Variants in DOCK9 observed in about 807,000 individuals in gnomAD.
DOCK9 encodes dedicator of cytokinesis protein 9.
Under a neutral mutation model 263.3 loss-of-function variants are expected in DOCK9, and 89 were observed. The ratio of observed to expected loss-of-function variants is 0.34; its 90% confidence interval spans 0.28 to 0.40. The LOEUF (loss-of-function observed/expected upper bound fraction) is 0.40, where lower values mean the gene tolerates loss of function less well. DOCK9 is among the 10% of genes least tolerant of loss of function. DOCK9 has a pLI of 1.00. For synonymous variants in DOCK9, 976 were observed against 973.1 expected (o/e 1.00, Z -0.06); for missense variants, 2,140 against 2,603.4 (o/e 0.82, Z 3.87).
At chr13:98,920,172 G>C (rs1297058461) in intron 7 of DOCK9, among the ~76,000 whole-genome samples, 2 of 152,150 alleles carry the variant, frequency 1.3e-5, no homozygotes, top group Non-Finnish European at 2.9e-5. Context: ...AAGGAGGGGA[G>C]GAGTCCAGAA....
chr13:98,996,099 C>T (rs941009925), intron 1 of DOCK9, among the ~76,000 whole-genome samples: 5 of 152,194 alleles, frequency 3.3e-5, no homozygotes, highest in African/African-American at 1.2e-4. Context: ...TAGCAGATGG[C>T]ATATGGACAT....
At chr13:99,070,445 C>A (rs1195535720) in intron 1 of DOCK9, among the ~76,000 whole-genome samples, 3 of 152,162 alleles carry the variant, frequency 2.0e-5, no homozygotes, top group Admixed American at 2.0e-4. Flanking sequence ...CGCATTTCTG[C>A]TTACTGCGTT....
chr13:98,955,640 G>C lies in DOCK9; in HGVS notation c.127-89C>G, dbSNP rs1411179280. 1.9e-5 allele frequency: 17 copies of C among 872,782 alleles called. 1 individual carries two copies. The East Asian group carries it at 4.6e-4, about 24-fold the overall frequency. 54.1% of individuals were successfully genotyped at this position (872,782 alleles called of 1,614,324 possible). A position where few individuals can be genotyped will look rare whatever the true frequency, so the allele number is the denominator to read the frequency against. ...CTTAGTATGTTCTACTCTATGTTTTGTATTTTCTACAATTAGAGTATGCTA... is the reference window on the plus strand; with the variant it reads ...CTTAGTATGTTCTACTCTATGTTTTCTATTTTCTACAATTAGAGTATGCTA... On this transcript the variant is annotated intron_variant, in intron 1 of 52. Transcript: ENST00000682017.
chr13:98,853,474 G>T lies in DOCK9; in HGVS notation c.3880C>A (p.Leu1294Ile). The part of the protein sequence containing the change: ...LGNSVVRCDK[L>I]DQSEIKSLLM... ...AGGCTCTTAATCTCAGACTGGTCAAGTTTATCACAGCGAACCACGGAATTT... is the reference window on the plus strand; with the variant it reads ...AGGCTCTTAATCTCAGACTGGTCAATTTTATCACAGCGAACCACGGAATTT... The change falls in exon 35 of 53, where the codon CTT becomes ATT. Residue 1294 changes from leucine to isoleucine, a missense_variant. By Grantham distance (5) the Leu-to-Ile change is conservative. Transcript: ENST00000682017. 6.2e-7 allele frequency: 1 copy of T among 1,613,838 alleles called. No individual in the cohort carries two copies. Among genetic ancestry groups the T allele is most frequent in the Non-Finnish European group, 8.5e-7 (1 of 1,179,810 alleles).
chr13:98,860,193 T>C (rs1310176320), intron 33 of DOCK9: 2 of 1,418,542 alleles, frequency 1.4e-6, no homozygotes, highest in Non-Finnish European at 1.8e-6. Flanking sequence ...AACTGTATGA[T>C]CCTGAGGAGT....
intron 48 of DOCK9, among the ~76,000 whole-genome samples, chr13:98,805,932 A>G (rs938436292): frequency 1.3e-5 from 2 of 152,070 alleles, no homozygotes; most frequent in African/African-American, 2.4e-5. Flanking sequence ...AGCTAATTAT[A>G]TATTTTTAGC....
intron 7 of DOCK9, 150 bp from the exon 8 acceptor site, chr13:98,915,653 C>A (rs1324981): frequency 1.9e-5 from 12 of 636,530 alleles, no homozygotes; most frequent in East Asian, 9.3e-5. Flanking sequence ...AAAGCCCCCC[C>A]CCATGAAATC....
At chr13:98,999,316 A>ACACACACTCTCTCT in intron 1 of DOCK9, among the ~76,000 whole-genome samples, 3,498 of 138,264 alleles carry the variant, frequency 0.025, 66 homozygotes, top group Non-Finnish European at 0.035. Context: ...ACACACACAC[A>ACACACACTCTCTCT]CTCTCTCTCT....
At chr13:98,882,681 G>T (rs1250921042) in intron 23 of DOCK9, among the ~76,000 whole-genome samples, 1 of 152,164 alleles carries the variant, frequency 6.6e-6, no homozygotes, top group Non-Finnish European at 1.5e-5. Flanking sequence ...CAAGTTTATA[G>T]TATCTCCTAC....
chr13:98,843,370 C>A (rs573867334), intron 38 of DOCK9, among the ~76,000 whole-genome samples: 11 of 151,668 alleles, frequency 7.3e-5, no homozygotes, highest in Admixed American at 7.2e-4. Flanking sequence ...ATATATAAAA[C>A]ACACACACAA....
intron 2 of DOCK9, among the ~76,000 whole-genome samples, chr13:98,954,569 T>C (rs1259435023): frequency 6.6e-6 from 1 of 152,182 alleles, no homozygotes; most frequent in East Asian, 1.9e-4. Context: ...TCCACATTTC[T>C]TCCAAGGAAC....
chr13:98,859,586 C>T (rs1196150192), intron 33 of DOCK9: 1 of 152,000 alleles, frequency 6.6e-6, no homozygotes, highest in African/African-American at 2.4e-5. Flanking sequence ...TATTTTATCC[C>T]ATGAATTAGT....
Position 98,914,404 on chromosome 13 carries a change from G to T in DOCK9, c.893-9C>A. ...TTTGCTTTGTTCATCATCTAAAATG[G>T]CAAAACAGATTATCGGAATCACTTG... is the stretch of plus-strand genomic sequence containing the variant. On this transcript the variant is annotated splice_polypyrimidine_tract_variant and intron_variant, in intron 8 of 52. Coordinates refer to ENST00000682017, the MANE Select transcript of DOCK9 (RefSeq NM_001366683.2). 6.2e-7 allele frequency: 1 copy of T among 1,603,730 alleles called. No homozygotes were observed. Among genetic ancestry groups the T allele is most frequent in the Non-Finnish European group, 8.5e-7 (1 of 1,175,054 alleles).
intron 2 of DOCK9, among the ~76,000 whole-genome samples, chr13:98,952,274 C>T (rs1014575308): frequency 1.4e-4 from 22 of 152,006 alleles, no homozygotes; most frequent in East Asian, 5.8e-4. Flanking sequence ...CTCACTCTGT[C>T]GCCCAGGCTG....
Position 98,800,278 on chromosome 13 carries a change from C to T in DOCK9, c.5916+10G>A, listed in dbSNP as rs1159562177. 12 of 1,587,190 alleles carry T rather than the reference C, an allele frequency of 7.6e-6. No homozygotes were observed. Among genetic ancestry groups the T allele is most frequent in the African/African-American group, 2.7e-5 (2 of 74,470 alleles). On this transcript the variant is annotated intron_variant, in intron 50 of 52. Transcript: ENST00000682017. ...CCCTGCTGCCCTCCGGCCTGCTGTG[C>T]CTGGCTCACCTGAACACTCACGCTG...
intron 12 of DOCK9, 48 bp from the exon 13 acceptor site, chr13:98,901,948 TA>T: frequency 6.3e-7 from 1 of 1,595,920 alleles, no homozygotes; most frequent in Non-Finnish European, 8.5e-7. Context: ...ACAGCTACGT[TA>T]AACAAATCCC....
At chr13:99,035,179 CTT>C (rs1337122627) in intron 1 of DOCK9, among the ~76,000 whole-genome samples, 1 of 151,976 alleles carries the variant, frequency 6.6e-6, no homozygotes, top group East Asian at 1.9e-4. Context: ...AATTATGAAA[CTT>C]AAGTTGTGTC....
At chr13:98,902,527 C>T (rs551859012) in intron 11 of DOCK9, 36 bp from the exon 12 acceptor site, 24 of 1,589,288 alleles carry the variant, frequency 1.5e-5, no homozygotes, top group East Asian at 2.2e-5. Flanking sequence ...ATCACCATGG[C>T]TCAAACAGGG....
At chr13:98,946,622 A>G (rs1300042365) in intron 2 of DOCK9, among the ~76,000 whole-genome samples, 1 of 152,024 alleles carries the variant, frequency 6.6e-6, no homozygotes, top group Non-Finnish European at 1.5e-5. Flanking sequence ...AGACCACATT[A>G]TCCTATATCT....
Sources: gnomAD v4.1 joint callset for allele counts (sites outside exome capture counted in the v4.1 genomes callset) on GRCh38, gnomAD v4.1.1 for gene constraint, MANE v1.5 for transcripts, NCBI Gene and HGNC (gene_info 2026-07-23, HGNC 2026-07-21) for gene names.